Variants in ANO3 observed in about 807,000 individuals in gnomAD.
The protein encoded by ANO3 is anoctamin 3.
ANO3 carries 99 observed loss-of-function variants against 144.8 expected under a neutral mutation model. The observed-to-expected ratio is 0.68, with a 90% confidence interval of 0.58 to 0.81. The LOEUF is 0.81. Among genes scored for constraint, ANO3 ranks in the 30% least tolerant of loss-of-function variants. The pLI is 0.00. For synonymous variants in ANO3, 414 were observed against 392.6 expected, an observed-to-expected ratio of 1.05 and a Z score of -0.64; for missense variants, 905 against 1,202.2, an observed-to-expected ratio of 0.75 and a Z score of 3.66.
intron 4 of ANO3, among the ~76,000 whole-genome samples, chr11:26,476,967 G>C (rs1310436811): frequency 6.6e-6 from 1 of 151,410 alleles, no homozygotes; most frequent in Non-Finnish European, 1.5e-5. Flanking sequence ...TAATACTGCT[G>C]AGGATATAGG....
chr11:26,624,209 G>C (rs557094887), intron 17 of ANO3, among the ~76,000 whole-genome samples: 2 of 152,018 alleles, frequency 1.3e-5, no homozygotes, highest in Admixed American at 1.3e-4. Flanking sequence ...GAAAAGACTC[G>C]TTATTACAGA....
At chr11:26,657,171 A>T (rs1259118772) in intron 26 of ANO3, among the ~76,000 whole-genome samples, 3 of 152,174 alleles carry the variant, frequency 2.0e-5, no homozygotes, top group Non-Finnish European at 4.4e-5. Context: ...ACACCAATTA[A>T]TTCAGAGAAA....
chr11:26,620,205 G>A, intron 17 of ANO3, among the ~76,000 whole-genome samples: 1 of 152,104 alleles, frequency 6.6e-6, no homozygotes, highest in East Asian at 1.9e-4. Flanking sequence ...ATATTTTAAT[G>A]AAAATTAAAT....
chr11:26,337,428 A>C (rs1229762470), intron 1 of ANO3, among the ~76,000 whole-genome samples: 1 of 152,204 alleles, frequency 6.6e-6, no homozygotes, highest in African/African-American at 2.4e-5. Flanking sequence ...TAGAATTTTA[A>C]TTATCTAAAA....
intron 1 of ANO3, among the ~76,000 whole-genome samples, chr11:26,383,888 CTTTTTTTTTTTTTT>C (rs61094091): frequency 7.1e-5 from 5 of 70,148 alleles, no homozygotes; most frequent in Non-Finnish European, 1.2e-4. Context: ...ATGCATTGTT[CTTTTTTTTTTTTTT>C]TTTTTTTTTT....
intron 14 of ANO3, chr11:26,566,012 A>G (rs1488036181): frequency 1.8e-6 from 2 of 1,088,342 alleles, no homozygotes; most frequent in Non-Finnish European, 2.5e-6. Flanking sequence ...TGGTAATATC[A>G]TATTTTTATT....
intron 17 of ANO3, among the ~76,000 whole-genome samples, chr11:26,624,018 C>T (rs1354444568): frequency 6.6e-6 from 1 of 152,040 alleles, no homozygotes; most frequent in African/African-American, 2.4e-5. Context: ...GATCTCCTGA[C>T]TTCGTGATCC....
At chr11:26,189,958 C>A (rs990489401) in intron 1 of ANO3, among the ~76,000 whole-genome samples, 1 of 152,068 alleles carries the variant, frequency 6.6e-6, no homozygotes, top group African/African-American at 2.4e-5. Context: ...TAATAGTTTG[C>A]ATTCATCAAA....
At chr11:26,460,477 AAGGAAGGGAGGG>A (rs1859354490) in intron 3 of ANO3, among the ~76,000 whole-genome samples, 1 of 148,990 alleles carries the variant, frequency 6.7e-6, no homozygotes, top group Non-Finnish European at 1.5e-5. Flanking sequence ...GGAAGGGAGG[AAGGAAGGGAGGG>A]CAGTAAAAAA....
intron 13 of ANO3, among the ~76,000 whole-genome samples, chr11:26,553,849 T>A (rs1876749): frequency 0.058 from 8,832 of 152,190 alleles, 299 homozygotes; most frequent in Middle Eastern, 0.085. Context: ...ATCGGTGTAT[T>A]TCAAATTTTC....
At chr11:26,540,098 A>G (rs1251638917) in intron 10 of ANO3, among the ~76,000 whole-genome samples, 1 of 152,142 alleles carries the variant, frequency 6.6e-6, no homozygotes. Context: ...AAGGCATATC[A>G]TATAATCTGC....
At chr11:26,587,937 CAAAAAAAAAAA>C (rs60752903) in intron 14 of ANO3, among the ~76,000 whole-genome samples, 1 of 116,374 alleles carries the variant, frequency 8.6e-6, no homozygotes, top group African/African-American at 3.4e-5. Context: ...AACTCTGTCT[CAAAAAAAAAAA>C]AAAAAAAAAG....
intron 1 of ANO3, among the ~76,000 whole-genome samples, chr11:26,368,605 G>A (rs1172717361): frequency 6.6e-6 from 1 of 151,960 alleles, no homozygotes; most frequent in Non-Finnish European, 1.5e-5. Context: ...GAGAGAGACA[G>A]ATTGAGAGAT....
chr11:26,443,906 A>C (rs1443640110), intron 3 of ANO3, 70 bp downstream of exon 3: 3 of 1,075,572 alleles, frequency 2.8e-6, no homozygotes, highest in Non-Finnish European at 4.1e-6. Context: ...CTTCTAAAAA[A>C]AACTAGCATT....
intron 1 of ANO3, among the ~76,000 whole-genome samples, chr11:26,299,820 A>G (rs537898208): frequency 6.6e-6 from 1 of 152,156 alleles, no homozygotes; most frequent in Non-Finnish European, 1.5e-5. Flanking sequence ...TATCTAGACT[A>G]TCAGTCAGGA....
intron 1 of ANO3, among the ~76,000 whole-genome samples, chr11:26,203,786 T>G (rs1478084301): frequency 1.3e-5 from 2 of 152,138 alleles, no homozygotes; most frequent in Non-Finnish European, 2.9e-5. Context: ...ATAGTTAATA[T>G]GCCAGGGTGG....
chr11:26,532,242 G>GCTTT, intron 8 of ANO3, among the ~76,000 whole-genome samples: 1 of 152,248 alleles, frequency 6.6e-6, no homozygotes, highest in Non-Finnish European at 1.5e-5. Context: ...CTAGAAGCAT[G>GCTTT]CTTTCTAATT....
upstream of ANO3, among the ~76,000 whole-genome samples, chr11:26,329,358 C>T (rs1266133437): frequency 6.6e-6 from 1 of 151,020 alleles, no homozygotes; most frequent in Non-Finnish European, 1.5e-5. Flanking sequence ...GAATCTTTTT[C>T]TCTTTGCACT....
At chr11:26,448,068 G>A (rs1207840432) in intron 3 of ANO3, among the ~76,000 whole-genome samples, 2 of 152,164 alleles carry the variant, frequency 1.3e-5, no homozygotes, top group Non-Finnish European at 2.9e-5. Flanking sequence ...GGGAGGCTGA[G>A]GCAGGTGGAT....
Sources: gnomAD v4.1 joint callset for allele counts (sites outside exome capture counted in the v4.1 genomes callset) on GRCh38, gnomAD v4.1.1 for gene constraint, MANE v1.5 for transcripts, NCBI Gene and HGNC (gene_info 2026-07-23, HGNC 2026-07-21) for gene names.